Variants in P3H2 observed in about 807,000 individuals in gnomAD.
P3H2 encodes leprecan-like 1.
P3H2 carries 80 observed loss-of-function variants against 87.0 expected under a neutral mutation model. The observed-to-expected ratio is 0.92, with a 90% CI of 0.77 to 1.11. P3H2 has a LOEUF of 1.11. Ranked by LOEUF, P3H2 falls within the 50% of genes least tolerant of loss-of-function variation. The probability of loss-of-function intolerance (pLI) is 0.00; values close to 1 mark genes in which losing one functional copy is unlikely to be tolerated. For synonymous variants in P3H2, 367 were observed against 359.3 expected (o/e 1.02, Z -0.24); for missense variants, 1,001 against 923.9 (o/e 1.08, Z -1.08).
At chr3:190,026,472 T>C (rs567434303) in intron 1 of P3H2, among the ~76,000 whole-genome samples, 2 of 151,996 alleles carry the variant, frequency 1.3e-5, no homozygotes, top group African/African-American at 4.8e-5. Context: ...GCGCTGAGAG[T>C]CACCTCCGGT....
rs1377566665 is a variant in P3H2, at chr3:189,994,234, A to G, written c.683T>C (p.Met228Thr). 3.1e-6 allele frequency: 5 copies of G among 1,613,776 alleles called. No individual in the cohort carries two copies. The highest frequency in any genetic ancestry group is 4.2e-6 in the Non-Finnish European group (5 of 1,179,944). Residue 228 changes from methionine (M) to threonine (T), a missense_variant, in exon 3 of 15, where the codon ATG (methionine) becomes ACG (threonine). Physicochemically the swap from Met to Thr is moderately conservative, Grantham distance 81. Coordinates refer to ENST00000319332, the MANE Select transcript of P3H2 (RefSeq NM_018192.4). ...GGCTTGTTCGAAGTGCCTGATAGCC[A>G]TCTCAAAGTCATCAGCCTCATAATG... ...VKHYEADDFE[M>T]AIRHFEQALR...
At chr3:190,092,864 A>T (rs906467485) in intron 1 of P3H2, among the ~76,000 whole-genome samples, 21 of 152,326 alleles carry the variant, frequency 1.4e-4, no homozygotes, top group African/African-American at 4.8e-4. Flanking sequence ...ATAGAACCAC[A>T]ATCCATCAAT....
chr3:190,023,712 T>C (rs535599440), intron 1 of P3H2, among the ~76,000 whole-genome samples: 3 of 152,320 alleles, frequency 2.0e-5, no homozygotes, highest in Admixed American at 6.5e-5. Context: ...TATTTATCTA[T>C]GTAAAATTTG....
chr3:190,118,725 T>C (rs964345983), intron 1 of P3H2, among the ~76,000 whole-genome samples: 1 of 152,030 alleles, frequency 6.6e-6, no homozygotes, highest in African/African-American at 2.4e-5. Flanking sequence ...CTACCACAGA[T>C]GAGGGCAGAG....
At position 190,120,461 on chromosome 3, in the gene P3H2, G is replaced by A. The variant is rs1712514078; in HGVS notation, c.271C>T (p.Arg91Cys). 1 of 1,424,592 alleles carries A rather than the reference G, an allele frequency of 7.0e-7. No individual in the cohort carries two copies. The highest frequency in any genetic ancestry group is 9.1e-7 in the Non-Finnish European group (1 of 1,100,606). The allele number at this position is 1,424,592 out of a possible 1,614,324, so 88.2% of individuals were successfully genotyped here. The change falls in exon 1 of 15, where the codon CGC becomes TGC. Residue 91 changes from arginine to cysteine, a missense_variant. Coordinates refer to ENST00000319332, the MANE Select transcript of P3H2 (RefSeq NM_018192.4). ...RTRCARHCAA[R>C]HPLPPPPPGE... The stretch of plus-strand genomic sequence containing the variant: ...GGGGGCGGGGGCGGGAGCGGGTGGC[G>A]CGCCGCGCAGTGGCGGGCACAGCGC...
chr3:190,016,773 G>A (rs1724767838), intron 1 of P3H2, among the ~76,000 whole-genome samples: 1 of 152,164 alleles, frequency 6.6e-6, no homozygotes, highest in Non-Finnish European at 1.5e-5. Context: ...CTTCTGCAGA[G>A]TTCTGTCAAT....
Position 190,120,637 on chromosome 3 carries a change from C to T in P3H2, c.95G>A (p.Arg32Gln). ...LWGGPPDSPR[R>Q]ELELEPGPLQ... ...AGGCCCGGGCTCCAGCTCCAGCTCC[C>T]GGCGTGGGCTGTCCGGGGGGCCGCC... Residue 32 changes from arginine (R) to glutamine (Q), a missense_variant, in exon 1 of 15, where the codon CGG becomes CAG. Transcript: ENST00000319332. The T allele has an allele frequency of 6.5e-7, 1 of 1,528,990 alleles. No homozygotes were observed. The highest frequency in any genetic ancestry group is 8.7e-7 in the Non-Finnish European group (1 of 1,145,988). 94.7% of individuals were successfully genotyped at this position (1,528,990 alleles called of 1,614,324 possible). A position where few individuals can be genotyped will look rare whatever the true frequency, so the allele number is the denominator to read the frequency against.
intron 1 of P3H2, among the ~76,000 whole-genome samples, chr3:190,058,014 G>GC (rs1375322617): frequency 1.3e-5 from 2 of 152,062 alleles, no homozygotes; most frequent in African/African-American, 4.8e-5. Flanking sequence ...CAGAGGAATA[G>GC]CTGGGGCAGA....
intron 1 of P3H2, among the ~76,000 whole-genome samples, chr3:190,071,388 G>A (rs1420999538): frequency 2.6e-5 from 4 of 152,284 alleles, no homozygotes; most frequent in East Asian, 3.9e-4. Context: ...TGGCAAATCA[G>A]TTAAATCCAC....
At chr3:190,114,264 A>G (rs923903521) in intron 1 of P3H2, among the ~76,000 whole-genome samples, 2 of 147,784 alleles carry the variant, frequency 1.4e-5, no homozygotes, top group Non-Finnish European at 1.5e-5. Context: ...GCTCACTGCA[A>G]GCTCCGCCTC....
intron 8 of P3H2, among the ~76,000 whole-genome samples, chr3:189,981,072 A>T (rs750659728): frequency 6.6e-6 from 1 of 152,248 alleles, no homozygotes; most frequent in Admixed American, 6.5e-5. Flanking sequence ...TCCTCCTGCC[A>T]TCCCCCCATA....
intron 1 of P3H2, among the ~76,000 whole-genome samples, chr3:190,100,261 C>CCCCA (rs1491211454): frequency 1.5e-5 from 2 of 130,930 alleles, no homozygotes; most frequent in Admixed American, 7.4e-5. Context: ...CCCCCCCCCC[C>CCCCA]AAAAAAAACA....
At chr3:190,034,880 A>C (rs1725370605) in intron 1 of P3H2, among the ~76,000 whole-genome samples, 2 of 134,450 alleles carry the variant, frequency 1.5e-5, no homozygotes, top group African/African-American at 2.8e-5. Context: ...ACGGCATTTC[A>C]CTCTGTTGCC....
chr3:189,970,926 A>G, intron 12 of P3H2, 35 bp from the exon 13 acceptor site: 2 of 1,167,310 alleles, frequency 1.7e-6, no homozygotes, highest in Non-Finnish European at 2.6e-6. Context: ...TTGTATTATT[A>G]TATGCTTATG....
chr3:189,974,073 G>T, intron 9 of P3H2, 69 bp from the exon 10 acceptor site: 1 of 1,319,558 alleles, frequency 7.6e-7, no homozygotes, highest in Non-Finnish European at 1.1e-6. Flanking sequence ...TTTCTGCTTT[G>T]GCTGCCAGAA....
At chr3:189,997,923 T>A (rs1312065099) in intron 1 of P3H2, among the ~76,000 whole-genome samples, 1 of 152,202 alleles carries the variant, frequency 6.6e-6, no homozygotes, top group Non-Finnish European at 1.5e-5. Flanking sequence ...ATTGGCCAAG[T>A]GAACCTGGAA....
In P3H2 at chr3:190,052,620, C is replaced by G. The variant is rs183648796; in HGVS notation, c.481-57178G>C. Among the ~76,000 whole-genome samples, 613 of 151,314 alleles carry G rather than the reference C, an allele frequency of 4.1e-3. 4 individuals carry two copies. The highest frequency in any genetic ancestry group is 0.014 in the African/African-American group (572 of 41,186). ...AAATCGAAGATAGAAAGGTTATTAC[C>G]GTGTCTAAGAACATATTGCTGTGTG... On this transcript the variant is annotated intron_variant, in intron 1 of 14. Coordinates refer to ENST00000319332, the MANE Select transcript of P3H2 (RefSeq NM_018192.4).
At chr3:189,966,140 AAAGAAAGAAAGAAAG>A (rs1722992291) in intron 13 of P3H2, among the ~76,000 whole-genome samples, 1 of 89,150 alleles carries the variant, frequency 1.1e-5, no homozygotes, top group African/African-American at 3.4e-5. Flanking sequence ...AGAAAGAAAG[AAAGAAAGAAAGAAAG>A]AAAGAAAGAA....
intron 1 of P3H2, among the ~76,000 whole-genome samples, chr3:190,059,930 A>T (rs1726284052): frequency 6.6e-6 from 1 of 152,058 alleles, no homozygotes; most frequent in Non-Finnish European, 1.5e-5. Context: ...ACGCTGGGAA[A>T]CTCTAATTGG....
Sources: gnomAD v4.1 joint callset for allele counts (sites outside exome capture counted in the v4.1 genomes callset) on GRCh38, gnomAD v4.1.1 for gene constraint, MANE v1.5 for transcripts, NCBI Gene and HGNC (gene_info 2026-07-23, HGNC 2026-07-21) for gene names.